The following AEBP2 variants were observed in gnomAD, a reference collection of about 807,000 sequenced individuals.
AEBP2 encodes the protein zinc finger protein AEBP2.
A neutral mutation model predicts 50.8 loss-of-function variants in AEBP2; 10 were observed. The ratio of observed to expected loss-of-function variants is 0.20; its 90% CI spans 0.12 to 0.33. The LOEUF is 0.33. Among genes scored for constraint, AEBP2 ranks in the 10% least tolerant of loss-of-function variants. The pLI is 1.00. For missense variants in AEBP2, 570 were observed against 688.0 expected (o/e 0.83, Z 1.92); for synonymous variants, 296 against 261.3 (o/e 1.13, Z -1.28).
intron 2 of AEBP2, among the ~76,000 whole-genome samples, chr12:19,467,026 A>AG (rs1327239759): frequency 6.6e-6 from 1 of 152,174 alleles, no homozygotes; most frequent in African/African-American, 2.4e-5. Flanking sequence ...GCTGAAGTCA[A>AG]GTGGAGTTTA....
At chr12:19,465,120 C>T (rs758329159) in intron 2 of AEBP2, among the ~76,000 whole-genome samples, 3 of 151,974 alleles carry the variant, frequency 2.0e-5, no homozygotes, top group Non-Finnish European at 4.4e-5. Flanking sequence ...TTTGGCCGGG[C>T]GCGGTGGCTC....
chr12:19,453,879 C>G (rs186489348), intron 1 of AEBP2, among the ~76,000 whole-genome samples: 165 of 151,260 alleles, frequency 1.1e-3, no homozygotes, highest in Non-Finnish European at 2.1e-3. Context: ...TCACTGCAAA[C>G]TCCACCTCCA....
chr12:19,405,889 C>A (rs534862985), intron 1 of AEBP2, among the ~76,000 whole-genome samples: 1 of 152,086 alleles, frequency 6.6e-6, no homozygotes, highest in African/African-American at 2.4e-5. Context: ...GCAACCTCCA[C>A]CTCCCGAGTT....
rs192698580 is a variant in AEBP2, at chr12:19,424,497, C to T, written c.-17+20281C>T. On this transcript the variant is annotated intron_variant, in intron 1 of 3. Coordinates refer to the AEBP2 transcript ENST00000538425. ...CTGCAAGCTCTGCCTCCCGGGTTCA[C>T]GCCACTCTCCTGCCTCAGCCTCCTG... Among the ~76,000 whole-genome samples, 82 of 151,864 alleles carry T rather than the reference C, an allele frequency of 5.4e-4. 3 individuals are homozygous for T. In the East Asian group the frequency reaches 7.9e-3, roughly 15 times the overall value.
intron 1 of AEBP2, among the ~76,000 whole-genome samples, chr12:19,408,744 A>T (rs933426634): frequency 1.3e-5 from 2 of 151,696 alleles, no homozygotes; most frequent in Non-Finnish European, 2.9e-5. Context: ...TACTAAAAAA[A>T]TGCAAAAAAT....
intron 1 of AEBP2, among the ~76,000 whole-genome samples, chr12:19,427,732 TAGA>T (rs2095749293): frequency 6.6e-6 from 1 of 152,138 alleles, no homozygotes; most frequent in African/African-American, 2.4e-5. Context: ...TCTGTCATAG[TAGA>T]AAGCTTTGGC....
In AEBP2 at chr12:19,512,571, T is replaced by C. The variant is rs549492400; in HGVS notation, c.1367+106T>C. On this transcript the variant is annotated intron_variant, in intron 6 of 7. Transcript: ENST00000266508. Reference sequence around the variant, plus strand: ...TAAATTCAAATAAAAAGAAATTACATTTTACAACGTTTTGAGGTTGTCAGG... The same window carrying C: ...TAAATTCAAATAAAAAGAAATTACACTTTACAACGTTTTGAGGTTGTCAGG... 1.8e-4 allele frequency: 143 copies of C among 789,046 alleles called. 1 individual carries two copies. In the South Asian group the frequency reaches 2.9e-3, roughly 16 times the overall value. The allele number at this position is 789,046 out of a possible 1,614,324, so 48.9% of individuals were successfully genotyped here.
At chr12:19,476,059 T>C (rs1948645466) in intron 3 of AEBP2, among the ~76,000 whole-genome samples, 1 of 152,158 alleles carries the variant, frequency 6.6e-6, no homozygotes, top group African/African-American at 2.4e-5. Flanking sequence ...AGAAGCTTTT[T>C]AGTTTAATTA....
chr12:19,502,335 T>C (rs751455782), intron 5 of AEBP2, among the ~76,000 whole-genome samples: 31 of 152,092 alleles, frequency 2.0e-4, no homozygotes, highest in Non-Finnish European at 3.7e-4. Context: ...GGTTTTGCCA[T>C]GTTGGCCAGG....
At chr12:19,425,630 G>A (rs753563966) in intron 1 of AEBP2, among the ~76,000 whole-genome samples, 4 of 151,742 alleles carry the variant, frequency 2.6e-5, no homozygotes, top group South Asian at 2.1e-4. Context: ...AAAATTAGCC[G>A]GGTATGATGG....
intron 1 of AEBP2, among the ~76,000 whole-genome samples, chr12:19,442,618 C>T (rs1947982405): frequency 6.6e-6 from 1 of 152,196 alleles, no homozygotes; most frequent in African/African-American, 2.4e-5. Context: ...AATCCAACTA[C>T]AGTTAAAACT....
At chr12:19,437,139 C>T (rs1947867992), upstream of AEBP2, among the ~76,000 whole-genome samples, 2 of 152,180 alleles carry the variant, frequency 1.3e-5, no homozygotes, top group South Asian at 4.1e-4. Flanking sequence ...AGGAATGCTA[C>T]ACAGAGAGGT....
intron 1 of AEBP2, among the ~76,000 whole-genome samples, chr12:19,430,333 A>C (rs927220682): frequency 2.0e-5 from 3 of 152,126 alleles, no homozygotes; most frequent in Non-Finnish European, 4.4e-5. Flanking sequence ...CCATTGGTCT[A>C]TATATCTGTT....
chr12:19,456,173 T>G, intron 1 of AEBP2: 2 of 1,083,662 alleles, frequency 1.8e-6, no homozygotes, highest in Non-Finnish European at 2.7e-6. Context: ...AATGGCCAAT[T>G]GAAACAAACA....
At chr12:19,489,818 CTATTA>C (rs1262417621) in intron 3 of AEBP2, among the ~76,000 whole-genome samples, 1 of 148,924 alleles carries the variant, frequency 6.7e-6, no homozygotes, top group African/African-American at 2.5e-5. Flanking sequence ...ATGTGTGATT[CTATTA>C]TATTTTTCTT....
At chr12:19,485,144 G>A (rs1439340545) in intron 3 of AEBP2, among the ~76,000 whole-genome samples, 1 of 152,170 alleles carries the variant, frequency 6.6e-6, no homozygotes, top group African/African-American at 2.4e-5. Flanking sequence ...CAGCCTTTCT[G>A]CTGGTTGATG....
At chr12:19,451,320 C>T (rs1341031134) in intron 1 of AEBP2, among the ~76,000 whole-genome samples, 1 of 152,182 alleles carries the variant, frequency 6.6e-6, no homozygotes, top group Non-Finnish European at 1.5e-5. Context: ...TGTCATGTAT[C>T]TGTCACATGT....
Position 19,458,270 on chromosome 12 carries a change from C to T in AEBP2, c.672-4240C>T, listed in dbSNP as rs541948545. ...GAATGGAGAGGACCACTGGTGGCAG[C>T]ATGGGTCTGGGGCCAAAAGGGAGCC... is the stretch of plus-strand genomic sequence containing the variant. On this transcript the variant is annotated intron_variant, in intron 1 of 7. Transcript: ENST00000266508. 5.3e-5 allele frequency among the ~76,000 whole-genome samples: 8 copies of T among 152,304 alleles called. No homozygotes were observed. The East Asian group carries it at 1.5e-3, about 29-fold the overall frequency.
chr12:19,466,804 A>C, intron 2 of AEBP2: 2 of 984,904 alleles, frequency 2.0e-6, no homozygotes, highest in Non-Finnish European at 2.4e-6. Context: ...TAACCCTAGA[A>C]GATTTTATGC....
Sources: allele counts gnomAD v4.1 joint callset (sites outside exome capture counted in the v4.1 genomes callset), GRCh38; gene constraint gnomAD v4.1.1; transcripts MANE v1.5; gene names NCBI Gene and HGNC (gene_info 2026-07-23, HGNC 2026-07-21).